The following CHSY1 variants were observed in gnomAD, a reference collection of about 807,000 sequenced individuals.
CHSY1 encodes the protein N-acetylgalactosaminyl-proteoglycan 3-beta-glucuronosyltransferase 1.
In CHSY1, 13 loss-of-function variants were observed where a neutral mutation model predicts 59.8. That is an observed-to-expected ratio of 0.22 (90% confidence interval 0.14 to 0.35). The LOEUF (loss-of-function observed/expected upper bound fraction) is 0.35. Ranked by LOEUF, CHSY1 falls within the 10% of genes least tolerant of loss-of-function variation. The pLI is 1.00. For missense variants in CHSY1, 947 were observed against 1,030.6 expected, an observed-to-expected ratio of 0.92 and a Z score of 1.11; for synonymous variants, 459 against 401.2, an observed-to-expected ratio of 1.14 and a Z score of -1.72.
At chr15:101,211,532 C>T (rs903792102) in intron 2 of CHSY1, among the ~76,000 whole-genome samples, 1 of 151,960 alleles carries the variant, frequency 6.6e-6, no homozygotes, top group Non-Finnish European at 1.5e-5. Context: ...AAAAATGGGA[C>T]AGAAGCAATA....
At chr15:101,198,980 G>C (rs1438859742) in intron 2 of CHSY1, among the ~76,000 whole-genome samples, 4 of 152,124 alleles carry the variant, frequency 2.6e-5, no homozygotes, top group African/African-American at 9.7e-5. Flanking sequence ...AGGTAAACCA[G>C]GCACGTGCAG....
intron 2 of CHSY1, among the ~76,000 whole-genome samples, chr15:101,227,328 T>C (rs12148378): frequency 6.6e-6 from 1 of 152,026 alleles, no homozygotes; most frequent in Non-Finnish European, 1.5e-5. Flanking sequence ...CTTGCAATGT[T>C]GTCTTTATTT....
Position 101,178,455 on chromosome 15 carries a change from T to A in CHSY1, c.1342A>T (p.Ile448Phe). The change falls in exon 3 of 3, where the codon ATC (isoleucine) becomes TTC (phenylalanine). Residue 448 changes from isoleucine (I) to phenylalanine (F), a missense_variant. Physicochemically the swap from Ile to Phe is conservative, Grantham distance 21 (BLOSUM62 0). Coordinates refer to ENST00000254190, the MANE Select transcript of CHSY1 (RefSeq NM_014918.5). ...RVNPMYGAEYILDLLLLYKKH... is the reference protein window; with the variant it reads ...RVNPMYGAEYFLDLLLLYKKH... ...TTGTACAGAAGCAGCAGGTCCAGGA[T>A]GTACTCAGCCCCATACATGGGGTTC... The A allele has an allele frequency of 6.2e-7, 1 of 1,614,238 alleles. No homozygotes were observed. The highest frequency in any genetic ancestry group is 1.1e-5 in the South Asian group (1 of 91,088).
intron 2 of CHSY1, among the ~76,000 whole-genome samples, chr15:101,196,482 C>A (rs2038508523): frequency 6.6e-6 from 1 of 152,064 alleles, no homozygotes; most frequent in South Asian, 2.1e-4. Context: ...AAACATTAAA[C>A]CTATTCTGTC....
intron 1 of CHSY1, among the ~76,000 whole-genome samples, chr15:101,250,754 G>GT (rs1199075463): frequency 6.6e-6 from 1 of 152,216 alleles, no homozygotes; most frequent in African/African-American, 2.4e-5. Flanking sequence ...AGGGAATCCA[G>GT]TATCAGCCCC....
At chr15:101,220,487 C>T (rs1227059605) in intron 2 of CHSY1, among the ~76,000 whole-genome samples, 1 of 152,206 alleles carries the variant, frequency 6.6e-6, no homozygotes, top group Admixed American at 6.5e-5. Context: ...ACTCTACCTG[C>T]AAAATTTATC....
chr15:101,177,108 G>C lies in CHSY1; in HGVS notation c.*280C>G. On this transcript the variant is annotated 3_prime_UTR_variant, in exon 3 of 3. Coordinates refer to ENST00000254190, the MANE Select transcript of CHSY1 (RefSeq NM_014918.5). Reference sequence around the variant, plus strand: ...TTTCTGCCATAGGACTGGAGCAAAGGGTCTCAAAAGAAAACATTTTTTTAA... The same window carrying C: ...TTTCTGCCATAGGACTGGAGCAAAGCGTCTCAAAAGAAAACATTTTTTTAA... 1 of 323,520 alleles carries C rather than the reference G, an allele frequency of 3.1e-6. No homozygotes were observed. The highest frequency in any genetic ancestry group is 5.7e-6 in the Non-Finnish European group (1 of 175,142). 20.0% of individuals were successfully genotyped at this position (323,520 alleles called of 1,614,324 possible).
Position 101,177,714 on chromosome 15 carries a change from T to G in CHSY1, c.2083A>C (p.Ile695Leu). 1.9e-6 allele frequency: 3 copies of G among 1,614,212 alleles called. No homozygotes were observed. Among genetic ancestry groups the G allele is most frequent in the Non-Finnish European group, 1.7e-6 (2 of 1,180,014 alleles). ...TGFWRNYGFG[I>L]TCIYKGDLVR... ...AGATCTCCCTTATAAATACACGTGA[T>G]GCCAAACCCATAGTTTCTCCAGAAG... Residue 695 changes from isoleucine (I) to leucine (L), a missense_variant, in exon 3 of 3, where the codon ATC becomes CTC. Transcript: ENST00000254190.
intron 2 of CHSY1, among the ~76,000 whole-genome samples, chr15:101,217,574 T>G (rs1433296273): frequency 6.6e-6 from 1 of 151,992 alleles, no homozygotes; most frequent in Non-Finnish European, 1.5e-5. Flanking sequence ...CAACTTCTAG[T>G]GCCAGAAAGC....
At chr15:101,206,865 A>C (rs2038631800) in intron 2 of CHSY1, among the ~76,000 whole-genome samples, 1 of 152,202 alleles carries the variant, frequency 6.6e-6, no homozygotes, top group Non-Finnish European at 1.5e-5. Context: ...AATTCACACT[A>C]ATTTGCAATG....
chr15:101,250,237 T>G (rs1268404817), intron 1 of CHSY1, among the ~76,000 whole-genome samples: 3 of 152,220 alleles, frequency 2.0e-5, no homozygotes, highest in Non-Finnish European at 4.4e-5. Flanking sequence ...AGACCCAAAC[T>G]TTATCCATAC....
intron 2 of CHSY1, among the ~76,000 whole-genome samples, chr15:101,198,932 C>G (rs2038539515): frequency 6.6e-6 from 1 of 152,196 alleles, no homozygotes; most frequent in Non-Finnish European, 1.5e-5. Flanking sequence ...GGCTGTGATC[C>G]AGAGCCTTCA....
intron 2 of CHSY1, 136 bp downstream of exon 2, chr15:101,234,945 TA>T: frequency 8.6e-7 from 1 of 1,156,540 alleles, no homozygotes; most frequent in Non-Finnish European, 1.2e-6. Flanking sequence ...TTTTTTAATC[TA>T]AGGCTAAAAA....
At position 101,235,141 on chromosome 15, in the gene CHSY1, C is replaced by T; in HGVS notation, c.757G>A (p.Val253Met). 2.5e-6 allele frequency: 4 copies of T among 1,614,164 alleles called. No homozygotes were observed. The highest frequency in any genetic ancestry group is 3.4e-6 in the Non-Finnish European group (4 of 1,180,038). ...LREMYTTHED[V>M]EVGRCVRRFA... ...CTCCGGACACACCTTCCCACCTCCA[C>T]GTCCTCATGGGTGGTGTACATCTCC... Residue 253 changes from valine to methionine, a missense_variant, in exon 2 of 3, where the codon GTG becomes ATG. Transcript: ENST00000254190.
In CHSY1 at chr15:101,251,124, A is replaced by G; in HGVS notation, c.320+13T>C. ...CGGACGCAGGAGGCGGTGCCCGGGG[A>G]GCAGGGGCTCACCTGTAGGCGGCCA... On this transcript the variant is annotated intron_variant, in intron 1 of 2. Transcript: ENST00000254190. The G allele has an allele frequency of 6.4e-7, 1 of 1,566,946 alleles. No homozygotes were observed. Among genetic ancestry groups the G allele is most frequent in the Non-Finnish European group, 8.6e-7 (1 of 1,161,054 alleles).
chr15:101,248,953 ATTTTTT>A (rs565187410), intron 1 of CHSY1, among the ~76,000 whole-genome samples: 18 of 111,446 alleles, frequency 1.6e-4, no homozygotes, highest in African/African-American at 5.8e-4. Context: ...AGCCTGGCTA[ATTTTTT>A]TTTTTTTTTT....
At chr15:101,247,842 T>C (rs2039066451) in intron 1 of CHSY1, among the ~76,000 whole-genome samples, 2 of 152,192 alleles carry the variant, frequency 1.3e-5, no homozygotes, top group African/African-American at 4.8e-5. Flanking sequence ...GCTGTGCCTT[T>C]AGTGTGGACG....
intron 2 of CHSY1, among the ~76,000 whole-genome samples, chr15:101,194,972 T>A (rs183052944): frequency 6.6e-6 from 1 of 152,262 alleles, no homozygotes; most frequent in African/African-American, 2.4e-5. Flanking sequence ...CTGACTACAA[T>A]GAAATAGAGG....
chr15:101,189,413 T>G (rs2038414609), intron 2 of CHSY1: 4 of 984,544 alleles, frequency 4.1e-6, no homozygotes, highest in Non-Finnish European at 4.8e-6. Context: ...AAAATAAAAT[T>G]AAAAACAAAC....
Sources: gnomAD v4.1 joint callset for allele counts (sites outside exome capture counted in the v4.1 genomes callset) on GRCh38, gnomAD v4.1.1 for gene constraint, MANE v1.5 for transcripts, NCBI Gene and HGNC (gene_info 2026-07-23, HGNC 2026-07-21) for gene names.